CPA6: variants seen among roughly 807,000 people sequenced by gnomAD.
CPA6 encodes carboxypeptidase B.
In CPA6, 58 loss-of-function variants were observed where a neutral mutation model predicts 63.3. The ratio of observed to expected loss-of-function variants is 0.92; its 90% CI spans 0.74 to 1.14. The LOEUF (loss-of-function observed/expected upper bound fraction) is 1.14, where lower values mean the gene tolerates loss of function less well. CPA6 is among the 50% of genes most tolerant of loss of function. The pLI is 0.00. For missense variants in CPA6, 565 were observed against 526.6 expected (o/e 1.07, Z -0.71); for synonymous variants, 185 against 179.0 (o/e 1.03, Z -0.27).
At position 67,654,177 on chromosome 8, in the gene CPA6, C is replaced by T. The variant is rs1023213303; in HGVS notation, c.117-29926G>A. Among the ~76,000 whole-genome samples the T allele has an allele frequency of 7.2e-5, 11 of 152,300 alleles. 1 individual carries two copies. The highest frequency in any genetic ancestry group is 2.6e-4 in the Admixed American group (4 of 15,284). The stretch of plus-strand genomic sequence containing the variant: ...TATTGAGGATTTTTGCATCAATGTT[C>T]ATCAAGGATATTGGTCTAAAATTCT... On this transcript the variant is annotated intron_variant, in intron 1 of 10. Coordinates refer to ENST00000297770, the MANE Select transcript of CPA6 (RefSeq NM_020361.5).
chr8:67,429,461 C>T (rs1809970297), intron 9 of CPA6, among the ~76,000 whole-genome samples: 1 of 152,176 alleles, frequency 6.6e-6, no homozygotes, highest in Non-Finnish European at 1.5e-5. Flanking sequence ...GTGTGCTGGA[C>T]TGAGTTTCAG....
intron 1 of CPA6, among the ~76,000 whole-genome samples, chr8:67,714,466 C>T (rs766610357): frequency 7.9e-5 from 12 of 152,256 alleles, no homozygotes; most frequent in African/African-American, 2.4e-4. Flanking sequence ...CCTAGCACTT[C>T]GGGAGCCCGA....
chr8:67,457,060 GACTCTGGCCTCCAGA>G (rs574818596), intron 8 of CPA6, among the ~76,000 whole-genome samples: 2 of 152,342 alleles, frequency 1.3e-5, no homozygotes, highest in East Asian at 3.9e-4. Context: ...ACCCACTTTG[GACTCTGGCCTCCAGA>G]ACTGTAAAAG....
At chr8:67,568,046 A>C (rs1813385468) in intron 2 of CPA6, among the ~76,000 whole-genome samples, 1 of 152,122 alleles carries the variant, frequency 6.6e-6, no homozygotes, top group Non-Finnish European at 1.5e-5. Context: ...AATTCAGGGC[A>C]AAGGGAGCAG....
intron 2 of CPA6, among the ~76,000 whole-genome samples, chr8:67,548,172 TCCTTTCCTTC>T (rs1450897107): frequency 3.7e-4 from 45 of 121,686 alleles, no homozygotes; most frequent in African/African-American, 1.1e-3. Context: ...TTTCCTTCCT[TCCTTTCCTTC>T]CCTTTCCTTC....
At chr8:67,646,503 C>T (rs1815717344) in intron 1 of CPA6, among the ~76,000 whole-genome samples, 1 of 152,158 alleles carries the variant, frequency 6.6e-6, no homozygotes, top group Non-Finnish European at 1.5e-5. Flanking sequence ...CCGAGCAAAC[C>T]TCTCTGGAGG....
chr8:67,724,688 C>A (rs1191893124), intron 1 of CPA6, among the ~76,000 whole-genome samples: 1 of 152,228 alleles, frequency 6.6e-6, no homozygotes, highest in African/African-American at 2.4e-5. Context: ...CTACATACAA[C>A]TGACAGTAAG....
intron 1 of CPA6, among the ~76,000 whole-genome samples, chr8:67,631,140 G>T (rs1439408612): frequency 6.6e-6 from 1 of 152,250 alleles, no homozygotes; most frequent in East Asian, 1.9e-4. Context: ...TCCACCCGTG[G>T]CCCCGGTGTG....
intron 6 of CPA6, among the ~76,000 whole-genome samples, chr8:67,505,157 A>G (rs917368518): frequency 6.6e-6 from 1 of 152,174 alleles, no homozygotes; most frequent in Non-Finnish European, 1.5e-5. Context: ...TTCATATCCT[A>G]TGAGATGATT....
At chr8:67,479,778 C>T (rs1282760891) in intron 8 of CPA6, among the ~76,000 whole-genome samples, 1 of 152,150 alleles carries the variant, frequency 6.6e-6, no homozygotes, top group Non-Finnish European at 1.5e-5. Context: ...CAGTTTAGGT[C>T]CTCAGCTAGT....
At chr8:67,578,824 A>T (rs1813693296) in intron 2 of CPA6, among the ~76,000 whole-genome samples, 1 of 152,218 alleles carries the variant, frequency 6.6e-6, no homozygotes, top group Non-Finnish European at 1.5e-5. Flanking sequence ...TCCATCTATA[A>T]ATCTATATCT....
chr8:67,532,374 C>G (rs1159325973), intron 2 of CPA6, among the ~76,000 whole-genome samples: 1 of 139,736 alleles, frequency 7.2e-6, no homozygotes, highest in African/African-American at 2.7e-5. Context: ...GACCTTAAGC[C>G]GGTGTAATTG....
chr8:67,617,200 T>C (rs533060880), intron 2 of CPA6, among the ~76,000 whole-genome samples: 2 of 152,246 alleles, frequency 1.3e-5, no homozygotes, highest in South Asian at 4.2e-4. Context: ...CATAACATGG[T>C]AGAGGGTTTT....
chr8:67,553,269 TA>T (rs570805532), intron 2 of CPA6, among the ~76,000 whole-genome samples: 77 of 152,292 alleles, frequency 5.1e-4, no homozygotes, highest in African/African-American at 1.8e-3. Context: ...TTAAAATTGG[TA>T]AAACATTTGT....
At chr8:67,515,635 C>G (rs888315607) in intron 3 of CPA6, among the ~76,000 whole-genome samples, 1 of 152,106 alleles carries the variant, frequency 6.6e-6, no homozygotes, top group Non-Finnish European at 1.5e-5. Flanking sequence ...TCTTGGCCTG[C>G]CTTGATGTTC....
At chr8:67,553,281 T>A (rs1812990247) in intron 2 of CPA6, among the ~76,000 whole-genome samples, 1 of 152,220 alleles carries the variant, frequency 6.6e-6, no homozygotes, top group African/African-American at 2.4e-5. Context: ...AAACATTTGT[T>A]GAGCATCTAT....
intron 2 of CPA6, among the ~76,000 whole-genome samples, chr8:67,548,145 C>T (rs1056008665): frequency 2.5e-4 from 14 of 56,480 alleles, no homozygotes; most frequent in East Asian, 1.6e-3. Context: ...CTCTCTCTCT[C>T]TCCCTCTCAT....
At chr8:67,745,320 C>G (rs1817987632) in intron 1 of CPA6, among the ~76,000 whole-genome samples, 1 of 152,198 alleles carries the variant, frequency 6.6e-6, no homozygotes, top group African/African-American at 2.4e-5. Flanking sequence ...TATACCACAG[C>G]AAGCCTTCAG....
At chr8:67,598,867 GA>G (rs1814416123) in intron 2 of CPA6, among the ~76,000 whole-genome samples, 1 of 151,582 alleles carries the variant, frequency 6.6e-6, no homozygotes, top group Admixed American at 6.6e-5. Context: ...TACCAATAAA[GA>G]AAAAGAAGAT....
Sources: gnomAD v4.1 joint callset for allele counts (sites outside exome capture counted in the v4.1 genomes callset) on GRCh38, gnomAD v4.1.1 for gene constraint, MANE v1.5 for transcripts, NCBI Gene and HGNC (gene_info 2026-07-23, HGNC 2026-07-21) for gene names.